The following DUSP8 variants were observed in gnomAD, a reference collection of about 807,000 sequenced individuals.
The protein encoded by DUSP8 is dual specificity phosphatase 8.
In DUSP8, 15 loss-of-function variants were observed where a neutral mutation model predicts 38.7. That is an observed-to-expected ratio of 0.39 (90% confidence interval 0.26 to 0.60). DUSP8 has a LOEUF of 0.60. Among genes scored for constraint, DUSP8 ranks in the 20% least tolerant of loss-of-function variants. The pLI is 0.56. For synonymous variants in DUSP8, 458 were observed against 433.9 expected (o/e 1.06, Z -0.69); for missense variants, 768 against 915.0 (o/e 0.84, Z 2.07).
In DUSP8 at chr11:1,565,874, G is replaced by A. The variant is rs1246961493; in HGVS notation, c.-48C>T. ...AGGGTGACCCCTGAAGTGAGGAGGG[G>A]CTGCTCCGACGGCCCAGGTGTGGCC... On this transcript the variant is annotated 5_prime_UTR_variant, in exon 2 of 7. Coordinates refer to ENST00000397374, the MANE Select transcript of DUSP8 (RefSeq NM_004420.3). 6.5e-7 allele frequency: 1 copy of A among 1,530,378 alleles called. No homozygotes were observed. The highest frequency in any genetic ancestry group is 1.7e-5 in the Admixed American group (1 of 59,218). 94.8% of individuals were successfully genotyped at this position (1,530,378 alleles called of 1,614,324 possible).
chr11:1,555,488 AGGGGGGC>A lies in DUSP8; in HGVS notation c.*1023_*1029del. 1 of 591,910 alleles carries A rather than the reference AGGGGGGC, an allele frequency of 1.7e-6. No individual in the cohort carries two copies. Among genetic ancestry groups the A allele is most frequent in the Non-Finnish European group, 2.1e-6 (1 of 478,832 alleles). The allele number at this position is 591,910 out of a possible 1,614,324, so 36.7% of individuals were successfully genotyped here. ...AAGTTCTGCCTGGGGCATGGCTGGG[AGGGGGGC>A]GGGGCAGACCTGGAACAGAACCCTA... is the stretch of plus-strand genomic sequence containing the variant. On this transcript the variant is annotated 3_prime_UTR_variant, in exon 7 of 7. Transcript: ENST00000397374.
chr11:1,566,506 G>A (rs1375383315), intron 1 of DUSP8, among the ~76,000 whole-genome samples: 4 of 152,200 alleles, frequency 2.6e-5, no homozygotes, highest in Admixed American at 2.6e-4. Flanking sequence ...CTCCACTGGA[G>A]AGTGGGCTCC....
chr11:1,554,677 C>T lies in DUSP8; in HGVS notation c.*1841G>A. On this transcript the variant is annotated 3_prime_UTR_variant, in exon 7 of 7. Coordinates refer to ENST00000397374, the MANE Select transcript of DUSP8 (RefSeq NM_004420.3). ...GGGCCCAACCAGTGGCCCCAGACCACTGTCTCCCGGACAGCACAGGGGTGG... is the reference window on the plus strand; with the variant it reads ...GGGCCCAACCAGTGGCCCCAGACCATTGTCTCCCGGACAGCACAGGGGTGG... 1 of 981,232 alleles carries T rather than the reference C, an allele frequency of 1.0e-6. No individual in the cohort carries two copies. The highest frequency in any genetic ancestry group is 1.2e-6 in the Non-Finnish European group (1 of 824,120). 60.8% of individuals were successfully genotyped at this position (981,232 alleles called of 1,614,324 possible).
rs1338185601 is a variant in DUSP8, at chr11:1,557,379, GCT to G, written c.1015_1016del (p.Ser339ArgfsTer49). The G allele has an allele frequency of 1.3e-6, 2 of 1,569,266 alleles. No homozygotes were observed. On this transcript the variant is annotated frameshift_variant, in exon 7 of 7. Transcript: ENST00000397374. LOFTEE classifies it high-confidence loss of function. The surrounding 1 kb of genome is among the most constrained non-coding windows in gnomAD (Gnocchi z 9.9). Reference sequence around the variant, plus strand: ...TGGCAGCCGCATTCCCTGTGGCAGCGCTCTCTGAGGTAGGTGGTGGCAGCCGT... The same window carrying G: ...TGGCAGCCGCATTCCCTGTGGCAGCGCTCTGAGGTAGGTGGTGGCAGCCGT... Reference protein sequence around the residue: ...LPRLPPPTSESAATGNAAARE... With the variant: ...LPRLPPPTSEXAATGNAAARE...
At chr11:1,561,764 G>A (rs7942190) in intron 3 of DUSP8, among the ~76,000 whole-genome samples, 83,800 of 152,112 alleles carry the variant, frequency 0.55, 23,520 homozygotes, top group African/African-American at 0.6. Flanking sequence ...TGCCTGTGCC[G>A]CGGGATCCTG....
intron 2 of DUSP8, 73 bp from the exon 3 acceptor site, chr11:1,564,062 G>A: frequency 1.5e-6 from 2 of 1,364,052 alleles, no homozygotes; most frequent in Non-Finnish European, 1.9e-6. Context: ...CAGATATGCT[G>A]GCTCAAGGGA....
intron 3 of DUSP8, 172 bp from the exon 4 acceptor site, chr11:1,559,227 C>T (rs888125854): frequency 5.5e-5 from 32 of 581,510 alleles, no homozygotes; most frequent in African/African-American, 2.9e-4. Flanking sequence ...CTGCTCTGCC[C>T]GCGGTGGGGG....
intron 1 of DUSP8, among the ~76,000 whole-genome samples, chr11:1,570,489 GA>G (rs1354219872): frequency 1.3e-5 from 2 of 151,560 alleles, no homozygotes; most frequent in Non-Finnish European, 3.0e-5. Context: ...TCTAGGCCCT[GA>G]CTTCAGCCCC....
chr11:1,561,273 C>T (rs577544060), intron 3 of DUSP8, among the ~76,000 whole-genome samples: 4 of 152,328 alleles, frequency 2.6e-5, no homozygotes, highest in African/African-American at 9.6e-5. Flanking sequence ...TGCAGTTCAC[C>T]TGTTACTCAC....
In DUSP8 at chr11:1,555,426, C is replaced by T. The variant is rs1848606591; in HGVS notation, c.*1092G>A. On this transcript the variant is annotated 3_prime_UTR_variant, in exon 7 of 7. Transcript: ENST00000397374. ...TCCCTGTGTGAGCAGCACCTGCTCA[C>T]AGAGCCCCTCAGCCTGCAGGTGCAC... is the stretch of plus-strand genomic sequence containing the variant. The T allele has an allele frequency of 1.0e-6, 1 of 986,440 alleles. No individual in the cohort carries two copies. Among genetic ancestry groups the T allele is most frequent in the African/African-American group, 1.7e-5 (1 of 57,288 alleles). 61.1% of individuals were successfully genotyped at this position (986,440 alleles called of 1,614,324 possible). A position where few individuals can be genotyped will look rare whatever the true frequency, so the allele number is the denominator to read the frequency against.
intron 3 of DUSP8, among the ~76,000 whole-genome samples, chr11:1,562,691 G>GCACACACACACACATACATGCA (rs35314980): frequency 6.6e-6 from 1 of 150,856 alleles, no homozygotes; most frequent in Non-Finnish European, 1.5e-5. Context: ...GCATGCACAT[G>GCACACACACACACATACATGCA]CACACACACA....
chr11:1,569,275 G>A (rs936560727), intron 1 of DUSP8, among the ~76,000 whole-genome samples: 1 of 152,052 alleles, frequency 6.6e-6, no homozygotes, highest in African/African-American at 2.4e-5. Flanking sequence ...GTCAGAAGAA[G>A]GCTCCTCCCA....
At chr11:1,563,649 G>A (rs1042654956) in intron 3 of DUSP8, among the ~76,000 whole-genome samples, 9 of 152,168 alleles carry the variant, frequency 5.9e-5, no homozygotes, top group African/African-American at 2.2e-4. Flanking sequence ...GTACTGTGAG[G>A]TTTCCTTCTG....
In DUSP8 at chr11:1,556,238, G is replaced by T; in HGVS notation, c.*280C>A. ...TTCCTGGGGCGGGGGAACTGGGAGG[G>T]GCCCCAGGCCTGGCACCCAGCTTGC... On this transcript the variant is annotated 3_prime_UTR_variant, in exon 7 of 7. Coordinates refer to ENST00000397374, the MANE Select transcript of DUSP8 (RefSeq NM_004420.3). The surrounding 1 kb of genome is among the most constrained non-coding windows in gnomAD (Gnocchi z 5.2). 1 of 342,550 alleles carries T rather than the reference G, an allele frequency of 2.9e-6. No homozygotes were observed. Among genetic ancestry groups the T allele is most frequent in the South Asian group, 1.5e-4 (1 of 6,758 alleles). 21.2% of individuals were successfully genotyped at this position (342,550 alleles called of 1,614,324 possible).
intron 3 of DUSP8, 181 bp from the exon 4 acceptor site, chr11:1,559,236 G>A (rs1848682601): frequency 1.8e-6 from 1 of 564,058 alleles, no homozygotes. Context: ...CCGCGGTGGG[G>A]GGAGGGGGTA....
At chr11:1,568,945 G>A (rs367710869) in intron 1 of DUSP8, among the ~76,000 whole-genome samples, 3 of 152,316 alleles carry the variant, frequency 2.0e-5, no homozygotes, top group African/African-American at 4.8e-5. Flanking sequence ...GCTAAGGATC[G>A]GGGCTCAGCT....
chr11:1,556,232 G>T lies in DUSP8; in HGVS notation c.*286C>A. Reference sequence around the variant, plus strand: ...CAGTGTTTCCTGGGGCGGGGGAACTGGGAGGGGCCCCAGGCCTGGCACCCA... The same window carrying T: ...CAGTGTTTCCTGGGGCGGGGGAACTTGGAGGGGCCCCAGGCCTGGCACCCA... On this transcript the variant is annotated 3_prime_UTR_variant, in exon 7 of 7. Coordinates refer to ENST00000397374, the MANE Select transcript of DUSP8 (RefSeq NM_004420.3). The surrounding 1 kb of genome is among the most constrained non-coding windows in gnomAD (Gnocchi z 5.2). 3.1e-6 allele frequency: 1 copy of T among 325,424 alleles called. No homozygotes were observed. Among genetic ancestry groups the T allele is most frequent in the Admixed American group, 5.0e-5 (1 of 20,192 alleles). 20.2% of individuals were successfully genotyped at this position (325,424 alleles called of 1,614,324 possible). A position where few individuals can be genotyped will look rare whatever the true frequency, so the allele number is the denominator to read the frequency against.
At position 1,556,488 on chromosome 11, in the gene DUSP8, C is replaced by T. The variant is rs1459211373; in HGVS notation, c.*30G>A. The stretch of plus-strand genomic sequence containing the variant: ...TATACATTTATAACGGGCCTGGCTG[C>T]GGGCGGCGGGGCCGAGGGCAGCGGA... On this transcript the variant is annotated 3_prime_UTR_variant, in exon 7 of 7. Transcript: ENST00000397374. The surrounding 1 kb of genome is among the most constrained non-coding windows in gnomAD (Gnocchi z 5.2). 24 of 1,232,394 alleles carry T rather than the reference C, an allele frequency of 1.9e-5. No homozygotes were observed. Among genetic ancestry groups the T allele is most frequent in the Admixed American group, 8.4e-5 (2 of 23,678 alleles). 76.3% of individuals were successfully genotyped at this position (1,232,394 alleles called of 1,614,324 possible).
intron 3 of DUSP8, among the ~76,000 whole-genome samples, chr11:1,559,622 G>A (rs79349719): frequency 0.064 from 9,822 of 152,298 alleles, 405 homozygotes; most frequent in South Asian, 0.095. Flanking sequence ...GGCCCTCCCC[G>A]TCCCCAGGCA....
Sources: allele counts gnomAD v4.1 joint callset (sites outside exome capture counted in the v4.1 genomes callset), GRCh38; gene constraint gnomAD v4.1.1; non-coding constraint Gnocchi (gnomAD v3.1); transcripts MANE v1.5; gene names NCBI Gene and HGNC (gene_info 2026-07-23, HGNC 2026-07-21).